Variants in TTN observed in about 807,000 individuals in gnomAD.
The protein encoded by TTN is titin.
In TTN, 1,525 loss-of-function variants were observed where a neutral mutation model predicts 3,223.0. That is an observed-to-expected ratio of 0.47 (90% confidence interval 0.45 to 0.49). The LOEUF (loss-of-function observed/expected upper bound fraction) is 0.49. Among genes scored for constraint, TTN ranks in the 20% least tolerant of loss-of-function variants. The pLI is 0.00. For synonymous variants in TTN, 14,094 were observed against 15,161.0 expected (o/e 0.93, Z 5.17); for missense variants, 40,786 against 43,424.0 (o/e 0.94, Z 5.40).
chr2:178,726,990 C>G, intron 69 of TTN, 100 bp downstream of exon 69: 1 of 1,206,756 alleles, frequency 8.3e-7, no homozygotes, highest in Non-Finnish European at 1.1e-6. Flanking sequence ...TCTATGATCT[C>G]AAATGGAAAC....
rs72648916 is a variant in TTN, at chr2:178,745,514, C to T, written c.11312-3593G>A. ...GACCTGTTTGGAAGTTTATTAGATC[C>T]ACATAATTTGGAAAATATGAAAGCA... On this transcript the variant is annotated intron_variant, in intron 47 of 362. Coordinates refer to ENST00000589042, the MANE Select transcript of TTN (RefSeq NM_001267550.2). 1,895 of 1,587,070 alleles carry T rather than the reference C, an allele frequency of 1.2e-3. 21 individuals are homozygous for T. In the African/African-American group the frequency reaches 0.022, roughly 18 times the overall value.
chr2:178,795,367 C>A, intron 6 of TTN, 115 bp from the exon 7 acceptor site: 1 of 909,600 alleles, frequency 1.1e-6, no homozygotes, highest in Admixed American at 1.9e-5. Context: ...ATGTGTGCCT[C>A]CATAACCCAT....
rs398124456 is a variant in TTN at position 178,567,518 on chromosome 2, A to G, written c.78614T>C (p.Val26205Ala). 6.2e-7 allele frequency: 1 copy of G among 1,612,276 alleles called. No homozygotes were observed. The highest frequency in any genetic ancestry group is 8.5e-7 in the Non-Finnish European group (1 of 1,179,222). The change falls in exon 326 of 363, where the codon GTA (valine) becomes GCA (alanine). Residue 26205 changes from valine (V) to alanine (A), a missense_variant. Physicochemically the swap from Val to Ala is moderately conservative, Grantham distance 64. Coordinates refer to ENST00000589042, the MANE Select transcript of TTN (RefSeq NM_001267550.2). ...AAGTCTGAATGTTTCTCCAGCATTT[A>G]CCACAATTGTGTCTCTGAATTTTGG... is the stretch of plus-strand genomic sequence containing the variant. The part of the protein sequence containing the change: ...MDPKFRDTIV[V>A]NAGETFRLEA...
chr2:178,736,689 T>G (rs1037286745), intron 49 of TTN, among the ~76,000 whole-genome samples: 10 of 152,192 alleles, frequency 6.6e-5, no homozygotes, highest in Non-Finnish European at 4.4e-5. Flanking sequence ...TCCTTATCCT[T>G]TCCTCTTATT....
Position 178,552,235 on chromosome 2 carries a change from A to G in TTN, c.90665T>C (p.Leu30222Pro), listed in dbSNP as rs1347522899. ...TCCTTTGGGCTTTGATGGTGGGCCA[A>G]GGGTGATGACTGTAATGGGGACTGC... ...RIAVPITVIT[L>P]GPPSKPKGPI... is the part of the protein sequence containing the mutation. The change falls in exon 335 of 363, where the codon CTT (leucine) becomes CCT (proline). Residue 30222 changes from leucine to proline, a missense_variant. Physicochemically the swap from Leu to Pro is moderately conservative, Grantham distance 98. Transcript: ENST00000589042. 1 of 1,613,542 alleles carries G rather than the reference A, an allele frequency of 6.2e-7. No homozygotes were observed. Among genetic ancestry groups the G allele is most frequent in the Non-Finnish European group, 8.5e-7 (1 of 1,179,654 alleles).
At position 178,582,500 on chromosome 2, in the gene TTN, A is replaced by G. The variant is rs1170003837; in HGVS notation, c.65956T>C (p.Ser21986Pro). Residue 21986 changes from serine to proline, a missense_variant, in exon 314 of 363, where the codon TCA (serine) becomes CCA (proline). Ser to Pro is a moderately conservative substitution (Grantham distance 74). Coordinates refer to ENST00000589042, the MANE Select transcript of TTN (RefSeq NM_001267550.2). ...TCAACAATATAGTTGGTGATTTCTG[A>G]GCCTCCATCTTCAAGAGGCGGTTCC... is the stretch of plus-strand genomic sequence containing the variant. Reference protein sequence around the residue: ...SWEPPLEDGGSEITNYIVDKR... With the variant: ...SWEPPLEDGGPEITNYIVDKR... The G allele has an allele frequency of 6.2e-7, 1 of 1,612,962 alleles. No homozygotes were observed. Among genetic ancestry groups the G allele is most frequent in the Admixed American group, 1.7e-5 (1 of 59,958 alleles).
intron 150 of TTN, 30 bp downstream of exon 150, chr2:178,675,009 G>T: frequency 7.4e-7 from 1 of 1,359,666 alleles, no homozygotes; most frequent in South Asian, 1.5e-5. Context: ...GGATGACTTT[G>T]AAATGTTATT....
Position 178,530,438 on chromosome 2 carries a change from T to G in TTN, c.106177A>C (p.Lys35393Gln). 1 of 1,614,014 alleles carries G rather than the reference T, an allele frequency of 6.2e-7. No homozygotes were observed. The highest frequency in any genetic ancestry group is 8.5e-7 in the Non-Finnish European group (1 of 1,179,888). ...TCAGTGGTTTTCTGATCTGATTTCT[T>G]AGTTTCTGATATTTTTGATACCTTC... ...HEKVSKISETKKSDQKTTEST... is the reference protein window; with the variant it reads ...HEKVSKISETQKSDQKTTEST... Residue 35393 changes from lysine (K) to glutamine (Q), a missense_variant, in exon 358 of 363, where the codon AAG becomes CAG. Lys to Gln is a moderately conservative substitution (Grantham distance 53). Transcript: ENST00000589042.
At chr2:178,760,847 G>GT (rs1574436345) in intron 43 of TTN, 1 of 86,676 alleles carries the variant, frequency 1.2e-5, no homozygotes, top group African/African-American at 3.7e-5. Context: ...TTGTGTGAAG[G>GT]GGTGTGTGTG....
chr2:178,735,062 A>AG, intron 50 of TTN, 74 bp from the exon 51 acceptor site: 11 of 1,441,106 alleles, frequency 7.6e-6, no homozygotes, highest in Non-Finnish European at 1.0e-5. Context: ...AAGTAGACAT[A>AG]TACAACAAAG....
chr2:178,583,472 A>C, intron 312 of TTN, 135 bp downstream of exon 312: 2 of 996,806 alleles, frequency 2.0e-6, no homozygotes, highest in Non-Finnish European at 2.8e-6. Flanking sequence ...CCATAATCAT[A>C]ATGTTTGTGT....
chr2:178,795,205 A>T lies in TTN; in HGVS notation c.962T>A (p.Val321Asp). 6.2e-7 allele frequency: 1 copy of T among 1,614,118 alleles called. No homozygotes were observed. The highest frequency in any genetic ancestry group is 8.5e-7 in the Non-Finnish European group (1 of 1,180,004). ...CTTACGCATGAGCAATGGAGACCTA[A>T]CAGACCTGATGGGGGATGTGGAGAT... The part of the protein sequence containing the change: ...ARISTSPIRS[V>D]RSPLLMRKTQ... Residue 321 changes from valine to aspartate, a missense_variant, in exon 7 of 363, where the codon GTT becomes GAT. Transcript: ENST00000589042.
chr2:178,675,428 T>C (rs1475378908), intron 149 of TTN, among the ~76,000 whole-genome samples: 1 of 151,712 alleles, frequency 6.6e-6, no homozygotes, highest in African/African-American at 2.4e-5. Context: ...CCTTAGTTAT[T>C]TTTGGCTCTT....
chr2:178,729,263 A>G lies in TTN; in HGVS notation c.18868+25T>C, dbSNP rs370041347. On this transcript the variant is annotated intron_variant, in intron 64 of 362. Transcript: ENST00000589042. ...AAAAGCGTTACAGAATTTTTATTTGATAGGCTGCTTCTTGTATAACTGACC... is the reference window on the plus strand; with the variant it reads ...AAAAGCGTTACAGAATTTTTATTTGGTAGGCTGCTTCTTGTATAACTGACC... 233 of 1,565,444 alleles carry G rather than the reference A, an allele frequency of 1.5e-4. No individual in the cohort carries two copies. In the African/African-American group the frequency reaches 2.8e-3, roughly 19 times the overall value.
chr2:178,715,438 G>C, intron 89 of TTN, 55 bp downstream of exon 89: 1 of 1,552,268 alleles, frequency 6.4e-7, no homozygotes, highest in East Asian at 2.3e-5. Context: ...GAAGTTAAGA[G>C]GACAATTAAA....
Position 178,549,705 on chromosome 2 carries a change from T to C in TTN, c.92017A>G (p.Lys30673Glu). Residue 30673 changes from lysine (K) to glutamate (E), a missense_variant, in exon 338 of 363, where the codon AAA (lysine) becomes GAA (glutamate). Transcript: ENST00000589042. Reference sequence around the variant, plus strand: ...GCAGTGTAACTTTGGGCTTCACATTTATCCTCAATTAGTGCCCAGGCAAGT... The same window carrying C: ...GCAGTGTAACTTTGGGCTTCACATTCATCCTCAATTAGTGCCCAGGCAAGT... ...SRLAWALIEDKCEAQSYTAIK... is the reference protein window; with the variant it reads ...SRLAWALIEDECEAQSYTAIK... 6.2e-7 allele frequency: 1 copy of C among 1,613,802 alleles called. No individual in the cohort carries two copies. Among genetic ancestry groups the C allele is most frequent in the Non-Finnish European group, 8.5e-7 (1 of 1,179,762 alleles).
At position 178,739,714 on chromosome 2, in the gene TTN, T is replaced by C. The variant is rs1232581327; in HGVS notation, c.13519A>G (p.Met4507Val). 4 of 1,613,946 alleles carry C rather than the reference T, an allele frequency of 2.5e-6. No individual in the cohort carries two copies. The South Asian group carries it at 4.4e-5, about 18-fold the overall frequency. ...QGAKTSLQEE[M>V]DSFSGSQKVE... is the part of the protein sequence containing the mutation. Reference sequence around the variant, plus strand: ...TTCTGTGAACCTGAAAAAGAATCCATTTCTTCTTGCAAACTTGTTTTGGCT... The same window carrying C: ...TTCTGTGAACCTGAAAAAGAATCCACTTCTTCTTGCAAACTTGTTTTGGCT... The change falls in exon 48 of 363, where the codon ATG becomes GTG. Residue 4507 changes from methionine (M) to valine (V), a missense_variant. Physicochemically the swap from Met to Val is conservative, Grantham distance 21. Coordinates refer to ENST00000589042, the MANE Select transcript of TTN (RefSeq NM_001267550.2).
At chr2:178,687,906 G>T (rs2071326944) in intron 127 of TTN, among the ~76,000 whole-genome samples, 1 of 152,142 alleles carries the variant, frequency 6.6e-6, no homozygotes, top group Non-Finnish European at 1.5e-5. Context: ...AAGGGATGCA[G>T]AAGAAATACA....
chr2:178,565,560 C>T lies in TTN; in HGVS notation c.80572G>A (p.Glu26858Lys). The T allele has an allele frequency of 4.3e-6, 7 of 1,613,592 alleles. No individual in the cohort carries two copies. The highest frequency in any genetic ancestry group is 5.9e-6 in the Non-Finnish European group (7 of 1,179,620). Residue 26858 changes from glutamate (E) to lysine (K), a missense_variant, in exon 326 of 363, where the codon GAG becomes AAG. Coordinates refer to ENST00000589042, the MANE Select transcript of TTN (RefSeq NM_001267550.2). ...EYQFRVKAYN[E>K]KGKSDPRVLG... is the part of the protein sequence containing the mutation. The stretch of plus-strand genomic sequence containing the variant: ...ACTCTTGGATCGCTTTTTCCTTTCT[C>T]ATTATAAGCCTTGACACGGAACTGA...
Sources: allele counts gnomAD v4.1 joint callset (sites outside exome capture counted in the v4.1 genomes callset), GRCh38; gene constraint gnomAD v4.1.1; transcripts MANE v1.5; gene names NCBI Gene and HGNC (gene_info 2026-07-23, HGNC 2026-07-21).